The following RFX2 variants were observed in gnomAD, a reference collection of about 807,000 sequenced individuals.
The protein encoded by RFX2 is DNA-binding protein RFX2.
Under a neutral mutation model 87.8 loss-of-function variants are expected in RFX2, and 20 were observed. That is an observed-to-expected ratio of 0.23 (90% CI 0.16 to 0.33). The LOEUF is 0.33. Ranked by LOEUF, RFX2 falls within the 10% of genes least tolerant of loss-of-function variation. RFX2 has a pLI of 1.00. For synonymous variants in RFX2, 397 were observed against 431.3 expected (o/e 0.92, Z 0.98); for missense variants, 767 against 1,012.3 (o/e 0.76, Z 3.29).
intron 1 of RFX2, among the ~76,000 whole-genome samples, chr19:6,103,479 G>C (rs1001051255): frequency 1.3e-5 from 2 of 152,204 alleles, no homozygotes; most frequent in Non-Finnish European, 2.9e-5. Flanking sequence ...GACCAGGCCA[G>C]TCCCCGGCTC....
At chr19:6,088,553 G>A (rs1028872298) in intron 1 of RFX2, among the ~76,000 whole-genome samples, 17 of 152,020 alleles carry the variant, frequency 1.1e-4, no homozygotes, top group African/African-American at 4.1e-4. Flanking sequence ...GTATAAGAAG[G>A]CAACGAAATT....
At chr19:6,054,124 C>T (rs2087300282) in intron 1 of RFX2, among the ~76,000 whole-genome samples, 1 of 152,084 alleles carries the variant, frequency 6.6e-6, no homozygotes, top group African/African-American at 2.4e-5. Flanking sequence ...CTATTACAAA[C>T]AACTTTAGCC....
rs79681649 is a variant in RFX2, at chr19:6,033,187, T to C, written c.522+6793A>G. Among the ~76,000 whole-genome samples, 681 of 152,304 alleles carry C rather than the reference T, an allele frequency of 4.5e-3. 8 individuals are homozygous for C. In the East Asian group the frequency reaches 0.071, roughly 16 times the overall value. On this transcript the variant is annotated intron_variant, in intron 5 of 17. Coordinates refer to ENST00000303657, the MANE Select transcript of RFX2 (RefSeq NM_000635.4). ...CACTGCGCACTCTTAACTTCAACACTCTTAACTAATCCACGGACGTTATAG... is the reference window on the plus strand; with the variant it reads ...CACTGCGCACTCTTAACTTCAACACCCTTAACTAATCCACGGACGTTATAG...
chr19:6,083,548 G>GTT lies in RFX2; in HGVS notation c.-9+26843_-9+26844dup, dbSNP rs66503447. Reference sequence around the variant, plus strand: ...TGTGCTAGATGTAGTCTGCTGACCCGTTTTTTTTTTTTTTAATTTTTATTC... The same window carrying GTT: ...TGTGCTAGATGTAGTCTGCTGACCCGTTTTTTTTTTTTTTTTAATTTTTATTC... On this transcript the variant is annotated intron_variant, in intron 1 of 17. Transcript: ENST00000303657. The surrounding 1 kb of genome is among the most constrained non-coding windows in gnomAD (Gnocchi z 4.6). Among the ~76,000 whole-genome samples, 10,920 of 143,520 alleles carry GTT rather than the reference G, an allele frequency of 0.076. 1,215 individuals are homozygous for GTT. Among genetic ancestry groups the GTT allele is most frequent in the African/African-American group, 0.25 (9,747 of 39,180 alleles). The allele number at this position is 143,520 out of a possible 152,430, so 94.2% of individuals were successfully genotyped here. A position where few individuals can be genotyped will look rare whatever the true frequency, so the allele number is the denominator to read the frequency against.
Position 6,044,025 on chromosome 19 carries a change from G to C in RFX2, c.180+168C>G, listed in dbSNP as rs1287821987. 6.6e-6 allele frequency among the ~76,000 whole-genome samples: 1 copy of C among 152,190 alleles called. No homozygotes were observed. The highest frequency in any genetic ancestry group is 1.5e-5 in the Non-Finnish European group (1 of 68,034). ...TTCTGCAAAACTATCTGCAGTAAATGATTTTTTTAAAATTGCACAGCTTCT... is the reference window on the plus strand; with the variant it reads ...TTCTGCAAAACTATCTGCAGTAAATCATTTTTTTAAAATTGCACAGCTTCT... On this transcript the variant is annotated intron_variant, in intron 3 of 17. Coordinates refer to ENST00000303657, the MANE Select transcript of RFX2 (RefSeq NM_000635.4). The surrounding 1 kb of genome is among the most constrained non-coding windows in gnomAD (Gnocchi z 5.3).
At chr19:6,006,303 G>T (rs954162733) in intron 12 of RFX2, among the ~76,000 whole-genome samples, 2 of 151,928 alleles carry the variant, frequency 1.3e-5, no homozygotes, top group Non-Finnish European at 2.9e-5. Context: ...TGGACTGCAG[G>T]CATGCAACAC....
intron 16 of RFX2, among the ~76,000 whole-genome samples, chr19:5,996,213 T>C (rs1456443042): frequency 2.1e-5 from 1 of 46,832 alleles, no homozygotes; most frequent in Non-Finnish European, 4.3e-5. Flanking sequence ...GCAAGTCCAC[T>C]CCAAGGTGTG....
rs3795008 is a variant in RFX2 at position 6,088,816 on chromosome 19, G to A, written c.-9+21577C>T. Among the ~76,000 whole-genome samples the A allele has an allele frequency of 2.2e-4, 33 of 152,282 alleles. No individual in the cohort carries two copies. The East Asian group carries it at 6.4e-3, about 29-fold the overall frequency. On this transcript the variant is annotated intron_variant, in intron 1 of 17. Coordinates refer to ENST00000303657, the MANE Select transcript of RFX2 (RefSeq NM_000635.4). The stretch of plus-strand genomic sequence containing the variant: ...AGCTTTTTTTGTAAAATGTGGAATA[G>A]TAAATATTTTAGGTTTTGCAGGTCA...
Position 6,027,601 on chromosome 19 carries a change from T to C in RFX2, c.523-1364A>G, listed in dbSNP as rs948528432. Among the ~76,000 whole-genome samples the C allele has an allele frequency of 1.3e-5, 2 of 152,202 alleles. No individual in the cohort carries two copies. The highest frequency in any genetic ancestry group is 2.9e-5 in the Non-Finnish European group (2 of 68,040). On this transcript the variant is annotated intron_variant, in intron 5 of 17. Coordinates refer to ENST00000303657, the MANE Select transcript of RFX2 (RefSeq NM_000635.4). This position sits in a 1 kb window ranked among gnomAD's most constrained non-coding sequence, Gnocchi z 5.0. ...GCAGAGTGCATGACCTCTGGAAGTC[T>C]GCCCTAATCTCAGGGGGCCTTGTCC...
intron 1 of RFX2, among the ~76,000 whole-genome samples, chr19:6,068,916 G>C (rs892549477): frequency 1.3e-5 from 2 of 152,178 alleles, no homozygotes; most frequent in Non-Finnish European, 2.9e-5. Context: ...TGATAATCTG[G>C]GCAAGGGAGG....
At chr19:6,097,379 G>A (rs1207522191) in intron 1 of RFX2, among the ~76,000 whole-genome samples, 3 of 152,116 alleles carry the variant, frequency 2.0e-5, no homozygotes, top group Admixed American at 1.3e-4. Flanking sequence ...TAAGGAGAAA[G>A]GCAAATTGCA....
At position 6,016,024 on chromosome 19, in the gene RFX2, T is replaced by C. The variant is rs902618953; in HGVS notation, c.779+66A>G. On this transcript the variant is annotated intron_variant, in intron 7 of 17. Transcript: ENST00000303657. This position sits in a 1 kb window ranked among gnomAD's most constrained non-coding sequence, Gnocchi z 5.4. ...GAAAGGAGGAGGAAGCCTCGCATTT[T>C]CCCAAAAGCTCCATTTCTTGGGAAA... 3 of 1,464,542 alleles carry C rather than the reference T, an allele frequency of 2.0e-6. No individual in the cohort carries two copies. The highest frequency in any genetic ancestry group is 2.8e-6 in the Non-Finnish European group (3 of 1,088,406). 90.7% of individuals were successfully genotyped at this position (1,464,542 alleles called of 1,614,324 possible). A position where few individuals can be genotyped will look rare whatever the true frequency, so the allele number is the denominator to read the frequency against.
At position 6,063,055 on chromosome 19, in the gene RFX2, C is replaced by G. The variant is rs1381997143; in HGVS notation, c.-8-15551G>C. Among the ~76,000 whole-genome samples, 1 of 152,202 alleles carries G rather than the reference C, an allele frequency of 6.6e-6. No individual in the cohort carries two copies. Among genetic ancestry groups the G allele is most frequent in the Non-Finnish European group, 1.5e-5 (1 of 68,034 alleles). ...CATCCCCTCCCGTGAGCTGCTGTGT[C>G]TCGTATCCCTCCTGTCCTGCCGCTC... On this transcript the variant is annotated intron_variant, in intron 1 of 17. Coordinates refer to ENST00000303657, the MANE Select transcript of RFX2 (RefSeq NM_000635.4). This position sits in a 1 kb window ranked among gnomAD's most constrained non-coding sequence, Gnocchi z 4.0.
intron 12 of RFX2, among the ~76,000 whole-genome samples, chr19:6,006,223 C>T (rs143209376): frequency 1.6e-4 from 24 of 152,078 alleles, no homozygotes; most frequent in Admixed American, 1.2e-3. Flanking sequence ...TGCAGTGGTG[C>T]GATCATAGCT....
At chr19:6,052,307 C>T (rs1295825611) in intron 1 of RFX2, among the ~76,000 whole-genome samples, 1 of 152,074 alleles carries the variant, frequency 6.6e-6, no homozygotes. Flanking sequence ...AAAATTTCAT[C>T]ATAAGATGAT....
Position 5,998,314 on chromosome 19 carries a change from A to G in RFX2, c.1860-1101T>C, listed in dbSNP as rs2086445250. Among the ~76,000 whole-genome samples the G allele has an allele frequency of 1.3e-5, 2 of 152,178 alleles. No homozygotes were observed. Among genetic ancestry groups the G allele is most frequent in the South Asian group, 2.1e-4 (1 of 4,822 alleles). ...CAGAGCAACACTCCATCTCAAAAAA[A>G]AAGAATGAAGTGGAACAATGTCTCA... On this transcript the variant is annotated intron_variant, in intron 15 of 17. Transcript: ENST00000303657. This position sits in a 1 kb window ranked among gnomAD's most constrained non-coding sequence, Gnocchi z 4.2.
Position 6,039,846 on chromosome 19 carries a change from C to T in RFX2, c.522+134G>A, listed in dbSNP as rs947418846. The T allele has an allele frequency of 1.1e-5, 12 of 1,110,932 alleles. No homozygotes were observed. Among genetic ancestry groups the T allele is most frequent in the African/African-American group, 4.7e-5 (3 of 63,304 alleles). The allele number at this position is 1,110,932 out of a possible 1,614,324, so 68.8% of individuals were successfully genotyped here. A position where few individuals can be genotyped will look rare whatever the true frequency, so the allele number is the denominator to read the frequency against. ...CCGTCTGAGGCTGGCCCGACTCCAT[C>T]GTGGGGCCGCCTGGGCCCAGAGCAG... On this transcript the variant is annotated intron_variant, in intron 5 of 17. Transcript: ENST00000303657. The surrounding 1 kb of genome is among the most constrained non-coding windows in gnomAD (Gnocchi z 5.2).
At chr19:6,043,941 G>C (rs1338339367) in intron 3 of RFX2, among the ~76,000 whole-genome samples, 1 of 152,302 alleles carries the variant, frequency 6.6e-6, no homozygotes, top group Middle Eastern at 3.4e-3. Flanking sequence ...GGTGCTCACT[G>C]GTTCCCCAAA....
chr19:6,078,216 G>A (rs973531099), intron 1 of RFX2: 2 of 151,792 alleles, frequency 1.3e-5, no homozygotes, highest in African/African-American at 4.8e-5. Context: ...GCAGGTTCAG[G>A]GTTTCTTCTT....
Sources: allele counts gnomAD v4.1 joint callset (sites outside exome capture counted in the v4.1 genomes callset), GRCh38; gene constraint gnomAD v4.1.1; non-coding constraint Gnocchi (gnomAD v3.1); transcripts MANE v1.5; gene names NCBI Gene and HGNC (gene_info 2026-07-23, HGNC 2026-07-21).